The following MACROH2A1 variants were observed in gnomAD, a reference collection of about 807,000 sequenced individuals.
MACROH2A1 encodes the protein core histone macro-H2A.1.
Under a neutral mutation model 31.6 loss-of-function variants are expected in MACROH2A1, and 2 were observed. The observed-to-expected ratio is 0.06, with a 90% confidence interval of 0.03 to 0.20. MACROH2A1 has a LOEUF of 0.20. Ranked by LOEUF, MACROH2A1 falls within the 10% of genes least tolerant of loss-of-function variation. The pLI is 1.00. For missense variants in MACROH2A1, 230 were observed against 474.0 expected (o/e 0.49, Z 4.78); for synonymous variants, 169 against 189.6 (o/e 0.89, Z 0.89).
At chr5:135,353,419 C>T (rs1243163868) in intron 5 of MACROH2A1, 2 of 230,520 alleles carry the variant, frequency 8.7e-6, no homozygotes, top group Admixed American at 1.1e-4. Flanking sequence ...GTGGATGTGA[C>T]TGTCCTCATC....
At chr5:135,367,913 GA>G (rs1275995589) in intron 4 of MACROH2A1, among the ~76,000 whole-genome samples, 2 of 152,212 alleles carry the variant, frequency 1.3e-5, no homozygotes, top group African/African-American at 4.8e-5. Context: ...AAGGGAAAAA[GA>G]AACTTTCCAA....
intron 1 of MACROH2A1, among the ~76,000 whole-genome samples, chr5:135,389,706 T>C (rs1298420386): frequency 6.6e-6 from 1 of 152,116 alleles, no homozygotes; most frequent in African/African-American, 2.4e-5. Context: ...GAGAGGTGTT[T>C]TTTCCTTCCT....
At chr5:135,338,286 C>A (rs909213083) in intron 8 of MACROH2A1, among the ~76,000 whole-genome samples, 1 of 152,200 alleles carries the variant, frequency 6.6e-6, no homozygotes, top group Non-Finnish European at 1.5e-5. Context: ...CGGAGTCACA[C>A]AGGATTTGAG....
intron 1 of MACROH2A1, among the ~76,000 whole-genome samples, chr5:135,390,728 C>T (rs2149972325): frequency 6.6e-6 from 1 of 152,286 alleles, no homozygotes; most frequent in African/African-American, 2.4e-5. Flanking sequence ...GGATAGGAGT[C>T]CCTGTTACTC....
chr5:135,351,132 T>C, intron 6 of MACROH2A1: 1 of 437,316 alleles, frequency 2.3e-6, no homozygotes, highest in South Asian at 4.5e-5. Context: ...AACATTTGAA[T>C]GAGAAGTCCA....
At chr5:135,366,308 A>C (rs1272214605) in intron 4 of MACROH2A1, among the ~76,000 whole-genome samples, 3 of 152,188 alleles carry the variant, frequency 2.0e-5, no homozygotes, top group African/African-American at 7.2e-5. Flanking sequence ...GCAACACTAA[A>C]GCAGCTCTAC....
At chr5:135,342,006 T>A (rs1296431590) in intron 8 of MACROH2A1, among the ~76,000 whole-genome samples, 1 of 152,220 alleles carries the variant, frequency 6.6e-6, no homozygotes, top group African/African-American at 2.4e-5. Context: ...GCAAGCCACC[T>A]GCCAATACAG....
intron 2 of MACROH2A1, among the ~76,000 whole-genome samples, chr5:135,384,473 T>C (rs1479048561): frequency 1.3e-5 from 2 of 152,194 alleles, no homozygotes; most frequent in African/African-American, 4.8e-5. Flanking sequence ...GTAAAGTGGA[T>C]AAAGATCACT....
intron 2 of MACROH2A1, among the ~76,000 whole-genome samples, chr5:135,377,191 C>G (rs1764992733): frequency 6.6e-6 from 1 of 152,172 alleles, no homozygotes; most frequent in Non-Finnish European, 1.5e-5. Context: ...GAAGTCAAGG[C>G]CCTGGGAAGG....
At chr5:135,387,320 T>C (rs1031513874) in intron 2 of MACROH2A1, among the ~76,000 whole-genome samples, 2 of 152,290 alleles carry the variant, frequency 1.3e-5, no homozygotes, top group South Asian at 4.1e-4. Context: ...TATGTACAAA[T>C]ACTTAAATCT....
At chr5:135,387,323 T>C (rs1351651474) in intron 2 of MACROH2A1, among the ~76,000 whole-genome samples, 1 of 152,200 alleles carries the variant, frequency 6.6e-6, no homozygotes, top group Non-Finnish European at 1.5e-5. Flanking sequence ...GTACAAATAC[T>C]TAAATCTAAC....
intron 1 of MACROH2A1, among the ~76,000 whole-genome samples, chr5:135,393,462 A>C (rs889369159): frequency 3.9e-5 from 6 of 152,376 alleles, no homozygotes; most frequent in African/African-American, 1.4e-4. Flanking sequence ...GTTACCACCC[A>C]AAACCTGTTG....
intron 8 of MACROH2A1, 111 bp from the exon 9 acceptor site, chr5:135,335,252 CG>C: frequency 2.5e-6 from 2 of 785,812 alleles, no homozygotes; most frequent in Non-Finnish European, 4.2e-6. Context: ...TGTGTTGGGT[CG>C]GTGTCTGTTG....
intron 5 of MACROH2A1, chr5:135,356,965 A>C (rs894783077): frequency 6.6e-6 from 1 of 152,204 alleles, no homozygotes; most frequent in African/African-American, 2.4e-5. Context: ...CCTAAAATGC[A>C]GTTATTTTCC....
chr5:135,366,119 C>T (rs1235234487), intron 4 of MACROH2A1, among the ~76,000 whole-genome samples: 2 of 152,186 alleles, frequency 1.3e-5, no homozygotes, highest in Admixed American at 1.3e-4. Flanking sequence ...TGAAGAGGTG[C>T]CTTTTGCCAT....
Position 135,334,890 on chromosome 5 carries a change from C to G in MACROH2A1, c.*86G>C. The G allele has an allele frequency of 8.7e-7, 1 of 1,149,282 alleles. No homozygotes were observed. Among genetic ancestry groups the G allele is most frequent in the Non-Finnish European group, 1.3e-6 (1 of 797,602 alleles). The allele number at this position is 1,149,282 out of a possible 1,614,324, so 71.2% of individuals were successfully genotyped here. On this transcript the variant is annotated 3_prime_UTR_variant, in exon 9 of 9. Coordinates refer to ENST00000511689, the MANE Select transcript of MACROH2A1 (RefSeq NM_138610.3). Reference sequence around the variant, plus strand: ...AAAACTGAAAATGAAAGGGGTCCCACCTCCCAGTAGGAGTGAAGGGGATTT... The same window carrying G: ...AAAACTGAAAATGAAAGGGGTCCCAGCTCCCAGTAGGAGTGAAGGGGATTT...
chr5:135,343,728 C>T, intron 7 of MACROH2A1: 1 of 414,180 alleles, frequency 2.4e-6, no homozygotes, highest in Non-Finnish European at 4.4e-6. Context: ...GAGGCAGAGC[C>T]TTATCCATCA....
intron 2 of MACROH2A1, among the ~76,000 whole-genome samples, chr5:135,372,225 C>A (rs554560870): frequency 6.6e-6 from 1 of 152,334 alleles, no homozygotes; most frequent in East Asian, 1.9e-4. Flanking sequence ...CAGGGCTACA[C>A]ATGCCAGTGA....
rs372599707 is a variant in MACROH2A1 at position 135,335,157 on chromosome 5, T to G, written c.954-16A>C. Reference sequence around the variant, plus strand: ...AAAACCGTTCCTGGAGAAGAGAAGATAAGCACTCAGCAACTGGGATGCCAC... The same window carrying G: ...AAAACCGTTCCTGGAGAAGAGAAGAGAAGCACTCAGCAACTGGGATGCCAC... On this transcript the variant is annotated splice_polypyrimidine_tract_variant and intron_variant, in intron 8 of 8. Transcript: ENST00000511689. 42 of 1,610,934 alleles carry G rather than the reference T, an allele frequency of 2.6e-5. 1 individual carries two copies. The highest frequency in any genetic ancestry group is 2.2e-4 in the Admixed American group (13 of 59,984).
Sources: gnomAD v4.1 joint callset for allele counts (sites outside exome capture counted in the v4.1 genomes callset) on GRCh38, gnomAD v4.1.1 for gene constraint, MANE v1.5 for transcripts, NCBI Gene and HGNC (gene_info 2026-07-23, HGNC 2026-07-21) for gene names.